TMEM178B: variants seen among roughly 807,000 people sequenced by gnomAD.
TMEM178B encodes transmembrane protein 178B.
In TMEM178B, 5 loss-of-function variants were observed where a neutral mutation model predicts 31.0. The observed-to-expected ratio is 0.16, with a 90% CI of 0.08 to 0.34. TMEM178B has a LOEUF of 0.34. Ranked by LOEUF, TMEM178B falls within the 10% of genes least tolerant of loss-of-function variation. The pLI is 1.00. For missense variants in TMEM178B, 275 were observed against 400.3 expected, an observed-to-expected ratio of 0.69 and a Z score of 2.67; for synonymous variants, 164 against 164.0, an observed-to-expected ratio of 1.00 and a Z score of 0.00.
chr7:141,271,834 A>C (rs1798190872), intron 2 of TMEM178B, among the ~76,000 whole-genome samples: 1 of 152,126 alleles, frequency 6.6e-6, no homozygotes, highest in African/African-American at 2.4e-5. Flanking sequence ...AGGTTCCTCT[A>C]GTATCTCTCT....
At chr7:141,409,952 C>T (rs559998573) in intron 2 of TMEM178B, among the ~76,000 whole-genome samples, 40 of 152,244 alleles carry the variant, frequency 2.6e-4, no homozygotes, top group South Asian at 8.3e-4. Flanking sequence ...TGCTGAGCCC[C>T]GGGTGACATA....
intron 1 of TMEM178B, among the ~76,000 whole-genome samples, chr7:141,148,469 A>G (rs532958874): frequency 6.6e-6 from 1 of 152,258 alleles, no homozygotes; most frequent in East Asian, 1.9e-4. Flanking sequence ...CAGGGAAGTT[A>G]TAGTTAGAGG....
chr7:141,229,110 T>TG (rs1797396690), intron 2 of TMEM178B, among the ~76,000 whole-genome samples: 1 of 144,472 alleles, frequency 6.9e-6, no homozygotes, highest in Non-Finnish European at 1.5e-5. Context: ...GGTGTGTGTG[T>TG]GTGTGTGTGT....
intron 1 of TMEM178B, among the ~76,000 whole-genome samples, chr7:141,081,156 C>G (rs149753872): frequency 6.6e-6 from 1 of 152,092 alleles, no homozygotes; most frequent in Non-Finnish European, 1.5e-5. Flanking sequence ...TCCATGTGCA[C>G]CATTGCCCCT....
chr7:141,292,972 T>C (rs1798572182), intron 2 of TMEM178B, among the ~76,000 whole-genome samples: 1 of 152,028 alleles, frequency 6.6e-6, no homozygotes, highest in Non-Finnish European at 1.5e-5. Context: ...TGACTACTGC[T>C]CTGTGGAAGT....
At position 141,350,344 on chromosome 7, in the gene TMEM178B, C is replaced by T. The variant is rs940393190; in HGVS notation, c.497-87264C>T. ...ATTTCACTCTATGGTATATATCACT[C>T]CTGGCATCGTAACATGTTTATTTGT... On this transcript the variant is annotated intron_variant, in intron 2 of 3. Transcript: ENST00000565468. Among the ~76,000 whole-genome samples the T allele has an allele frequency of 2.6e-5, 4 of 152,016 alleles. No homozygotes were observed. The East Asian group carries it at 7.7e-4, about 29-fold the overall frequency.
chr7:141,180,861 C>T lies in TMEM178B; in HGVS notation c.383-31730C>T, dbSNP rs189011948. On this transcript the variant is annotated intron_variant, in intron 1 of 3. Coordinates refer to ENST00000565468, the MANE Select transcript of TMEM178B (RefSeq NM_001195278.2). ...ATGTAATCAGATATCTCTAAATTCACTTCCACTTGTAAACTTCTAGGTTTT... is the reference window on the plus strand; with the variant it reads ...ATGTAATCAGATATCTCTAAATTCATTTCCACTTGTAAACTTCTAGGTTTT... 1.1e-4 allele frequency among the ~76,000 whole-genome samples: 16 copies of T among 152,294 alleles called. 1 individual carries two copies. Among genetic ancestry groups the T allele is most frequent in the African/African-American group, 3.8e-4 (16 of 41,566 alleles).
intron 1 of TMEM178B, among the ~76,000 whole-genome samples, chr7:141,196,898 G>T (rs967364781): frequency 2.0e-5 from 3 of 152,182 alleles, no homozygotes; most frequent in African/African-American, 4.8e-5. Context: ...TGTAATGGGA[G>T]ATGCTGCCTT....
intron 1 of TMEM178B, among the ~76,000 whole-genome samples, chr7:141,183,662 A>T (rs1407252397): frequency 6.6e-6 from 1 of 152,166 alleles, no homozygotes; most frequent in Admixed American, 6.5e-5. Flanking sequence ...CAAATAGATG[A>T]CATTGTTACC....
chr7:141,510,165 T>G, the TMEM178B span, among the ~76,000 whole-genome samples: 1 of 152,058 alleles, frequency 6.6e-6, no homozygotes, highest in East Asian at 1.9e-4. Context: ...TAGGTCAAGG[T>G]AATGTGGTGA....
At chr7:141,357,121 A>G (rs1322093508) in intron 2 of TMEM178B, among the ~76,000 whole-genome samples, 1 of 152,242 alleles carries the variant, frequency 6.6e-6, no homozygotes, top group African/African-American at 2.4e-5. Context: ...TGCAAATAAT[A>G]TCCTCAAATG....
At chr7:141,354,521 G>T (rs114139575) in intron 2 of TMEM178B, among the ~76,000 whole-genome samples, 72 of 152,302 alleles carry the variant, frequency 4.7e-4, no homozygotes, top group Middle Eastern at 6.8e-3. Flanking sequence ...TCAGGAGTCT[G>T]AGTGTATGTG....
Position 141,344,610 on chromosome 7 carries a change from T to C in TMEM178B, c.497-92998T>C, listed in dbSNP as rs374125535. On this transcript the variant is annotated intron_variant, in intron 2 of 3. Transcript: ENST00000565468. The surrounding 1 kb of genome is among the most constrained non-coding windows in gnomAD (Gnocchi z 4.1). ...TTCCTTCCTTCCTTCCTTCCTTCCT[T>C]CCTTCCTTCCTTCCTTCCTCCCTTC... Among the ~76,000 whole-genome samples, 79 of 138,346 alleles carry C rather than the reference T, an allele frequency of 5.7e-4. No individual in the cohort carries two copies. Among genetic ancestry groups the C allele is most frequent in the African/African-American group, 1.8e-3 (67 of 37,020 alleles). 90.8% of individuals were successfully genotyped at this position (138,346 alleles called of 152,430 possible). A position where few individuals can be genotyped will look rare whatever the true frequency, so the allele number is the denominator to read the frequency against.
intron 1 of TMEM178B, among the ~76,000 whole-genome samples, chr7:141,080,422 C>T (rs570167522): frequency 3.0e-4 from 46 of 152,212 alleles, no homozygotes; most frequent in African/African-American, 1.0e-3. Flanking sequence ...AGATTGAGAC[C>T]ATCCTGGCCA....
At chr7:141,169,338 C>G (rs1796311340) in intron 1 of TMEM178B, among the ~76,000 whole-genome samples, 1 of 152,180 alleles carries the variant, frequency 6.6e-6, no homozygotes, top group Non-Finnish European at 1.5e-5. Flanking sequence ...GGATGATGGC[C>G]TCCAGCTCCA....
intron 2 of TMEM178B, among the ~76,000 whole-genome samples, chr7:141,279,730 C>A (rs1243703592): frequency 2.0e-5 from 3 of 152,224 alleles, no homozygotes; most frequent in Admixed American, 2.0e-4. Flanking sequence ...AGTCTGACCT[C>A]AGTTACCAAA....
intron 1 of TMEM178B, among the ~76,000 whole-genome samples, chr7:141,209,362 T>G (rs1417163684): frequency 2.0e-5 from 3 of 152,192 alleles, no homozygotes; most frequent in Non-Finnish European, 4.4e-5. Flanking sequence ...AGGGAAGAGG[T>G]ATTTGCTATA....
intron 2 of TMEM178B, among the ~76,000 whole-genome samples, chr7:141,229,130 T>TGTGTGTGTGTGTGTGTGA (rs1563125013): frequency 6.7e-6 from 1 of 149,554 alleles, no homozygotes; most frequent in African/African-American, 2.5e-5. Context: ...TGTGTGTGTG[T>TGTGTGTGTGTGTGTGTGA]GAAACTTTTT....
At chr7:141,389,446 AAAG>A (rs1800494419) in intron 2 of TMEM178B, among the ~76,000 whole-genome samples, 1 of 152,228 alleles carries the variant, frequency 6.6e-6, no homozygotes, top group Non-Finnish European at 1.5e-5. Flanking sequence ...CTAAAGGAAG[AAAG>A]AAGGTACATC....
Sources: allele counts gnomAD v4.1 joint callset (sites outside exome capture counted in the v4.1 genomes callset), GRCh38; gene constraint gnomAD v4.1.1; non-coding constraint Gnocchi (gnomAD v3.1); transcripts MANE v1.5; gene names NCBI Gene and HGNC (gene_info 2026-07-23, HGNC 2026-07-21).